The following SPATA31H1 variants were observed in gnomAD, a reference collection of about 807,000 sequenced individuals.
SPATA31H1 encodes the protein SPATA31 subfamily H member 1, also known as spermatogenesis-associated protein 31H1.
the SPATA31H1 span, among the ~76,000 whole-genome samples, chr2:27,556,284 CTTTT>C: frequency 7.1e-6 from 1 of 141,794 alleles, no homozygotes. Context: ...TTGGAAAGCC[CTTTT>C]TTTTTTTTTT....
At chr2:27,572,465 T>C in the SPATA31H1 span, 1 of 398,354 alleles carries the variant, frequency 2.5e-6, no homozygotes, top group Non-Finnish European at 4.4e-6. Context: ...TGATAGCATC[T>C]AAATTGGTTC....
chr2:27,566,458 GGAGGGAGGGAGA>G, the SPATA31H1 span: 1 of 693,996 alleles, frequency 1.4e-6, no homozygotes, highest in Non-Finnish European at 2.7e-6. Flanking sequence ...AGGGAATGAA[GGAGGGAGGGAGA>G]GAGGGAGAAG....
the SPATA31H1 span, chr2:27,580,689 C>T: frequency 1.0e-4 from 162 of 1,614,046 alleles, no homozygotes; most frequent in Middle Eastern, 1.6e-4. Context: ...TTCTGTTGGG[C>T]GGAAGCCTGT....
the SPATA31H1 span, chr2:27,580,572 A>G: frequency 6.2e-7 from 1 of 1,614,244 alleles, no homozygotes; most frequent in Non-Finnish European, 8.5e-7. Flanking sequence ...TCAGACAAGT[A>G]CTGCCTCTTT....
At chr2:27,539,360 C>T in the SPATA31H1 span, among the ~76,000 whole-genome samples, 1 of 140,958 alleles carries the variant, frequency 7.1e-6, no homozygotes, top group Non-Finnish European at 1.5e-5. Flanking sequence ...TAACAAAGCA[C>T]ATCTTGCACC....
chr2:27,582,297 C>G, the SPATA31H1 span: 1 of 1,613,766 alleles, frequency 6.2e-7, no homozygotes, highest in Non-Finnish European at 8.5e-7. Context: ...TGAGAGAACC[C>G]GTCACAGTCC....
chr2:27,566,458 G>A, the SPATA31H1 span: 3 of 693,996 alleles, frequency 4.3e-6, no homozygotes, highest in Non-Finnish European at 8.0e-6. Flanking sequence ...AGGGAATGAA[G>A]GAGGGAGGGA....
the SPATA31H1 span, chr2:27,567,330 C>A: frequency 1.9e-6 from 1 of 540,290 alleles, no homozygotes; most frequent in Non-Finnish European, 3.3e-6. Flanking sequence ...ACAAACAGCA[C>A]CTTTACCTTT....
At chr2:27,539,262 G>T in the SPATA31H1 span, among the ~76,000 whole-genome samples, 1 of 141,050 alleles carries the variant, frequency 7.1e-6, no homozygotes, top group Admixed American at 6.7e-5. Flanking sequence ...GCGGCCTTCC[G>T]GCCTTCCGCA....
the SPATA31H1 span, chr2:27,576,411 T>C: frequency 3.3e-6 from 2 of 598,236 alleles, no homozygotes; most frequent in South Asian, 4.8e-5. Context: ...ATCTGTGGTA[T>C]TTGTACCAGA....
At chr2:27,573,599 C>G in the SPATA31H1 span, 1 of 398,450 alleles carries the variant, frequency 2.5e-6, no homozygotes, top group Non-Finnish European at 4.4e-6. Context: ...AATCATGTGG[C>G]CCAATTTCAA....
At chr2:27,568,139 G>C in the SPATA31H1 span, 1 of 398,836 alleles carries the variant, frequency 2.5e-6, no homozygotes, top group Non-Finnish European at 4.4e-6. Context: ...ATTCTATGGG[G>C]ATGATTAACA....
chr2:27,542,394 C>CA, the SPATA31H1 span, among the ~76,000 whole-genome samples: 1 of 151,440 alleles, frequency 6.6e-6, no homozygotes, highest in Non-Finnish European at 1.5e-5. Flanking sequence ...GAGACTGTCT[C>CA]AAAAAAATAA....
the SPATA31H1 span, among the ~76,000 whole-genome samples, chr2:27,554,629 A>G: frequency 6.2e-3 from 947 of 152,124 alleles, 25 homozygotes; most frequent in African/African-American, 0.022. Context: ...TCTGGAGTGC[A>G]GTGGCATGAT....
chr2:27,542,015 C>G, the SPATA31H1 span, among the ~76,000 whole-genome samples: 3 of 152,104 alleles, frequency 2.0e-5, no homozygotes, highest in East Asian at 5.8e-4. Context: ...TCAAGCAATC[C>G]ACACACCTCA....
At chr2:27,580,695 CCTGTGG>C in the SPATA31H1 span, 1 of 1,614,194 alleles carries the variant, frequency 6.2e-7, no homozygotes, top group Admixed American at 1.7e-5. Context: ...TGGGCGGAAG[CCTGTGG>C]ACGGGACAAG....
At chr2:27,578,332 T>C in the SPATA31H1 span, 130 of 1,614,140 alleles carry the variant, frequency 8.1e-5, 1 homozygote, top group South Asian at 1.3e-3. Flanking sequence ...GGGTTTCAAA[T>C]TGTAAAAACT....
chr2:27,582,646 A>T, the SPATA31H1 span: 17 of 1,016,346 alleles, frequency 1.7e-5, no homozygotes, highest in East Asian at 4.2e-4. Context: ...AAAGGCTTCC[A>T]TTTCTCTCTA....
At chr2:27,563,321 A>T in the SPATA31H1 span, among the ~76,000 whole-genome samples, 41,080 of 141,702 alleles carry the variant, frequency 0.29, 6,183 homozygotes, top group East Asian at 0.51. Flanking sequence ...TAACTATTTT[A>T]TCAGAGTTTT....
Sources: allele counts gnomAD v4.1 joint callset (sites outside exome capture counted in the v4.1 genomes callset), GRCh38; gene constraint gnomAD v4.1.1; transcripts MANE v1.5; gene names NCBI Gene and HGNC (gene_info 2026-07-23, HGNC 2026-07-21).